NAALADL2: variants seen among roughly 807,000 people sequenced by gnomAD.
The protein encoded by NAALADL2 is N-acetylated alpha-linked acidic dipeptidase like 2.
Under a neutral mutation model 87.2 loss-of-function variants are expected in NAALADL2, and 76 were observed. That is an observed-to-expected ratio of 0.87 (90% confidence interval 0.72 to 1.05). The LOEUF (loss-of-function observed/expected upper bound fraction) is 1.05. Ranked by LOEUF, NAALADL2 falls within the 50% of genes least tolerant of loss-of-function variation. The probability of loss-of-function intolerance (pLI) is 0.00; values close to 1 mark genes in which losing one functional copy is unlikely to be tolerated. For synonymous variants in NAALADL2, 354 were observed against 331.0 expected (o/e 1.07, Z -0.75); for missense variants, 1,089 against 945.8 (o/e 1.15, Z -1.99).
chr3:175,222,011 A>T (rs1414968311), intron 2 of NAALADL2, among the ~76,000 whole-genome samples: 1 of 151,902 alleles, frequency 6.6e-6, no homozygotes, highest in African/African-American at 2.4e-5. Flanking sequence ...CGAACTCCCG[A>T]GCTCAGGGAA....
intron 2 of NAALADL2, among the ~76,000 whole-genome samples, chr3:174,631,190 G>A (rs927199055): frequency 4.6e-5 from 7 of 152,130 alleles, no homozygotes; most frequent in Non-Finnish European, 1.0e-4. Flanking sequence ...AGTAAAGAAA[G>A]CATTTACAGT....
At chr3:174,622,591 C>T (rs558843785) in intron 2 of NAALADL2, among the ~76,000 whole-genome samples, 1 of 152,062 alleles carries the variant, frequency 6.6e-6, no homozygotes, top group East Asian at 1.9e-4. Flanking sequence ...CTAGCACAAC[C>T]GTCAATTAAT....
intron 11 of NAALADL2, among the ~76,000 whole-genome samples, chr3:175,681,008 A>G (rs1735519429): frequency 6.6e-6 from 1 of 152,044 alleles, no homozygotes; most frequent in Non-Finnish European, 1.5e-5. Flanking sequence ...ATCTACTCAG[A>G]AGGGTGAAGC....
At chr3:175,342,818 GC>G (rs1166611053) in intron 5 of NAALADL2, among the ~76,000 whole-genome samples, 1 of 152,012 alleles carries the variant, frequency 6.6e-6, no homozygotes, top group African/African-American at 2.4e-5. Context: ...CTCAGATACA[GC>G]TTTTCATCAT....
intron 10 of NAALADL2, among the ~76,000 whole-genome samples, chr3:175,583,490 C>CAAAAA (rs10681728): frequency 7.2e-6 from 1 of 138,708 alleles, no homozygotes; most frequent in Admixed American, 7.2e-5. Context: ...GGATGAGCTG[C>CAAAAA]AAAAAAAAAA....
Position 175,191,565 on chromosome 3 carries a change from T to C in NAALADL2, c.546-42366T>C, listed in dbSNP as rs984513741. Among the ~76,000 whole-genome samples, 7 of 152,252 alleles carry C rather than the reference T, an allele frequency of 4.6e-5. No individual in the cohort carries two copies. The South Asian group carries it at 1.5e-3, about 32-fold the overall frequency. The stretch of plus-strand genomic sequence containing the variant: ...AATACTAACCCCAGAAAGCACCCCC[T>C]GAATGATATATTTGTGAGAAATATT... On this transcript the variant is annotated intron_variant, in intron 2 of 13. Coordinates refer to ENST00000454872, the MANE Select transcript of NAALADL2 (RefSeq NM_207015.3).
intron 1 of NAALADL2, among the ~76,000 whole-genome samples, chr3:174,909,221 C>A (rs568759829): frequency 1.3e-5 from 2 of 152,138 alleles, no homozygotes; most frequent in Admixed American, 6.5e-5. Context: ...TGGTGATATA[C>A]CGTCTCTACT....
intron 11 of NAALADL2, among the ~76,000 whole-genome samples, chr3:175,734,532 G>T (rs1484002600): frequency 1.3e-5 from 2 of 151,950 alleles, no homozygotes; most frequent in African/African-American, 4.8e-5. Flanking sequence ...GCTCCACCCT[G>T]GGCAACAGAG....
intron 3 of NAALADL2, among the ~76,000 whole-genome samples, chr3:174,788,900 A>G (rs752342234): frequency 7.9e-5 from 12 of 152,172 alleles, no homozygotes; most frequent in Non-Finnish European, 1.6e-4. Flanking sequence ...GAAAAGCCAA[A>G]TTAAATACAA....
At chr3:174,626,769 T>C (rs187158490) in intron 2 of NAALADL2, among the ~76,000 whole-genome samples, 65 of 152,172 alleles carry the variant, frequency 4.3e-4, no homozygotes, top group Admixed American at 4.0e-3. Context: ...TTTGGCTGTA[T>C]AGAGCAAGAA....
chr3:174,852,634 C>T (rs933672782), intron 3 of NAALADL2, among the ~76,000 whole-genome samples: 3 of 152,080 alleles, frequency 2.0e-5, no homozygotes, highest in African/African-American at 7.2e-5. Flanking sequence ...AATGTCTATA[C>T]TACCCAAAGC....
intron 9 of NAALADL2, among the ~76,000 whole-genome samples, chr3:175,536,458 T>C (rs1244386308): frequency 6.6e-6 from 1 of 152,180 alleles, no homozygotes; most frequent in Non-Finnish European, 1.5e-5. Flanking sequence ...GGAAAGTCTT[T>C]TTTGCTAGCC....
intron 1 of NAALADL2, among the ~76,000 whole-genome samples, chr3:174,881,571 G>A (rs1392763514): frequency 1.3e-5 from 2 of 152,116 alleles, no homozygotes; most frequent in African/African-American, 4.8e-5. Context: ...AAATTTTCAA[G>A]ACTTTATGTT....
At chr3:174,899,708 C>T (rs1263575401) in intron 1 of NAALADL2, among the ~76,000 whole-genome samples, 3 of 151,910 alleles carry the variant, frequency 2.0e-5, no homozygotes, top group Non-Finnish European at 4.4e-5. Context: ...TTCTTTATAG[C>T]AATGCAAGAA....
intron 6 of NAALADL2, among the ~76,000 whole-genome samples, chr3:175,449,089 A>T (rs1036690181): frequency 4.6e-5 from 7 of 151,972 alleles, no homozygotes; most frequent in Admixed American, 1.3e-4. Flanking sequence ...CTACTTTTTT[A>T]AAAAAATGCA....
At chr3:174,819,160 G>A (rs1455034611) in intron 3 of NAALADL2, among the ~76,000 whole-genome samples, 2 of 142,760 alleles carry the variant, frequency 1.4e-5, no homozygotes, top group Non-Finnish European at 3.0e-5. Context: ...CAGGCTCAGG[G>A]CTCAAGTGAT....
At chr3:175,021,914 T>G (rs2108866682) in intron 1 of NAALADL2, among the ~76,000 whole-genome samples, 1 of 152,202 alleles carries the variant, frequency 6.6e-6, no homozygotes, top group South Asian at 2.1e-4. Flanking sequence ...TCTTCAATGT[T>G]GGAAGTAGGG....
At chr3:175,489,200 G>T (rs1727713475) in intron 9 of NAALADL2, among the ~76,000 whole-genome samples, 1 of 151,916 alleles carries the variant, frequency 6.6e-6, no homozygotes, top group South Asian at 2.1e-4. Flanking sequence ...TTTTGACAAG[G>T]CAATTAAGTA....
intron 11 of NAALADL2, among the ~76,000 whole-genome samples, chr3:175,643,311 G>C (rs888456356): frequency 1.3e-5 from 2 of 152,174 alleles, no homozygotes; most frequent in African/African-American, 4.8e-5. Flanking sequence ...CAACGATTAA[G>C]AGTATTCTTG....
Sources: allele counts gnomAD v4.1 joint callset (sites outside exome capture counted in the v4.1 genomes callset), GRCh38; gene constraint gnomAD v4.1.1; transcripts MANE v1.5; gene names NCBI Gene and HGNC (gene_info 2026-07-23, HGNC 2026-07-21).